MANBA: variants seen among roughly 807,000 people sequenced by gnomAD.
The protein encoded by MANBA is mannosidase beta, also known as beta-mannosidase.
A neutral mutation model predicts 111.1 loss-of-function variants in MANBA; 83 were observed. That is an observed-to-expected ratio of 0.75 (90% CI 0.63 to 0.90). MANBA has a LOEUF of 0.90. MANBA is among the 40% of genes least tolerant of loss of function. The pLI, the probability that MANBA is intolerant of heterozygous loss-of-function variation, is 0.00. For synonymous variants in MANBA, 370 were observed against 378.7 expected (o/e 0.98, Z 0.27); for missense variants, 1,036 against 1,069.0 (o/e 0.97, Z 0.43).
chr4:102,639,900 G>A, intron 13 of MANBA, 43 bp from the exon 14 acceptor site: 1 of 1,606,860 alleles, frequency 6.2e-7, no homozygotes, highest in Non-Finnish European at 8.5e-7. Flanking sequence ...ATTGTTTGAT[G>A]TAGACTGCCT....
At chr4:102,648,034 C>G (rs1410553371) in intron 13 of MANBA, among the ~76,000 whole-genome samples, 1 of 152,030 alleles carries the variant, frequency 6.6e-6, no homozygotes, top group Non-Finnish European at 1.5e-5. Flanking sequence ...TCTCTAAGAA[C>G]TTTAAACAAG....
In MANBA at chr4:102,631,373, T is replaced by A; in HGVS notation, c.*684A>T. Reference sequence around the variant, plus strand: ...ATGTCTTAGTTTAGATTCTTCAAACTCTCCCAGTTTACCAAGCAGAATAAT... The same window carrying A: ...ATGTCTTAGTTTAGATTCTTCAAACACTCCCAGTTTACCAAGCAGAATAAT... On this transcript the variant is annotated 3_prime_UTR_variant, in exon 17 of 17. Transcript: ENST00000647097. 1 of 172,726 alleles carries A rather than the reference T, an allele frequency of 5.8e-6. No individual in the cohort carries two copies. Among genetic ancestry groups the A allele is most frequent in the Non-Finnish European group, 1.2e-5 (1 of 82,492 alleles). The allele number at this position is 172,726 out of a possible 1,614,324, so 10.7% of individuals were successfully genotyped here. A position where few individuals can be genotyped will look rare whatever the true frequency, so the allele number is the denominator to read the frequency against.
chr4:102,716,271 T>G (rs111870791), intron 4 of MANBA, among the ~76,000 whole-genome samples: 2 of 124,608 alleles, frequency 1.6e-5, no homozygotes, highest in African/African-American at 6.4e-5. Flanking sequence ...ATCGCACCAC[T>G]GCACTCCAGC....
chr4:102,744,063 C>G (rs1177737032), intron 1 of MANBA, among the ~76,000 whole-genome samples: 1 of 152,198 alleles, frequency 6.6e-6, no homozygotes, highest in Non-Finnish European at 1.5e-5. Flanking sequence ...GTTCTGGATC[C>G]CACTCAAAAC....
chr4:102,700,794 T>G (rs1732995260), intron 5 of MANBA, among the ~76,000 whole-genome samples: 1 of 152,202 alleles, frequency 6.6e-6, no homozygotes, highest in Non-Finnish European at 1.5e-5. Flanking sequence ...TGGTCAATTT[T>G]GGAATAGGTG....
At chr4:102,701,128 T>A in intron 5 of MANBA, among the ~76,000 whole-genome samples, 1 of 152,118 alleles carries the variant, frequency 6.6e-6, no homozygotes. Context: ...CTTCTTTGTC[T>A]CTTTTGATCT....
intron 13 of MANBA, among the ~76,000 whole-genome samples, chr4:102,648,075 G>A (rs998330773): frequency 1.3e-5 from 2 of 151,970 alleles, no homozygotes; most frequent in Non-Finnish European, 1.5e-5. Context: ...AATAAACAGC[G>A]ACTTTAATGG....
At chr4:102,727,481 C>G in intron 1 of MANBA, 3 of 1,521,210 alleles carry the variant, frequency 2.0e-6, no homozygotes, top group Non-Finnish European at 2.7e-6. Flanking sequence ...GTCCAGATAA[C>G]ATGAGAAATG....
In MANBA at chr4:102,726,699, A is replaced by G; in HGVS notation, c.178-16T>C. 1 of 1,196,610 alleles carries G rather than the reference A, an allele frequency of 8.4e-7. No individual in the cohort carries two copies. The highest frequency in any genetic ancestry group is 1.5e-5 in the African/African-American group (1 of 66,884). The allele number at this position is 1,196,610 out of a possible 1,614,324, so 74.1% of individuals were successfully genotyped here. ...AGTAAGAATCCTGTTGATACAAGGT[A>G]AAAATTATGGTAGATGGTTAAATAT... is the stretch of plus-strand genomic sequence containing the variant. On this transcript the variant is annotated splice_polypyrimidine_tract_variant and intron_variant, in intron 1 of 16. Coordinates refer to ENST00000647097, the MANE Select transcript of MANBA (RefSeq NM_005908.4).
intron 1 of MANBA, chr4:102,727,621 A>G: frequency 6.5e-7 from 1 of 1,549,302 alleles, no homozygotes; most frequent in Non-Finnish European, 8.9e-7. Context: ...GCCAGTGCCC[A>G]TGTTGTTGTA....
At chr4:102,739,134 C>A (rs1723315811) in intron 1 of MANBA, among the ~76,000 whole-genome samples, 1 of 151,928 alleles carries the variant, frequency 6.6e-6, no homozygotes, top group Non-Finnish European at 1.5e-5. Flanking sequence ...ACAATTGATA[C>A]CACAGAAATA....
intron 4 of MANBA, among the ~76,000 whole-genome samples, chr4:102,721,122 A>G (rs1046328033): frequency 6.6e-6 from 1 of 152,140 alleles, no homozygotes; most frequent in African/African-American, 2.4e-5. Context: ...TCAGGAGTTC[A>G]AGAGCAGCCT....
chr4:102,678,490 A>C (rs1731819422), intron 7 of MANBA, among the ~76,000 whole-genome samples: 1 of 150,632 alleles, frequency 6.6e-6, no homozygotes, highest in African/African-American at 2.5e-5. Context: ...CAAAGTAAAT[A>C]TATAATCTTC....
Position 102,632,185 on chromosome 4 carries a change from T to G in MANBA, c.2512A>C (p.Arg838=). 1 of 1,613,394 alleles carries G rather than the reference T, an allele frequency of 6.2e-7. No homozygotes were observed. Residue 838 remains arginine (R), a synonymous_variant, in exon 17 of 17, where the codon AGA becomes CGA. Coordinates refer to ENST00000647097, the MANE Select transcript of MANBA (RefSeq NM_005908.4). ...ATGAGGAAACCATTGTCACTAAATC[T>G]CCCTGGGATGCTTCCTACATCCAAC... ...VWLDVGSIPG[R]FSDNGFLMTE... is the part of the protein sequence containing the mutation.
At chr4:102,713,835 G>A (rs559948920) in intron 5 of MANBA, among the ~76,000 whole-genome samples, 3 of 149,778 alleles carry the variant, frequency 2.0e-5, no homozygotes, top group African/African-American at 4.9e-5. Context: ...GGCAGAGGCT[G>A]CAGTGAGCCA....
At chr4:102,757,931 T>C (rs962645995) in intron 1 of MANBA, among the ~76,000 whole-genome samples, 4 of 152,324 alleles carry the variant, frequency 2.6e-5, no homozygotes, top group Admixed American at 6.5e-5. Flanking sequence ...ACTGGCCTGC[T>C]GACTATTCCT....
chr4:102,754,073 C>T (rs1233142529), intron 1 of MANBA: 12 of 267,984 alleles, frequency 4.5e-5, no homozygotes, highest in South Asian at 3.3e-4. Flanking sequence ...ATTAGAAATG[C>T]CCATGTCACC....
intron 1 of MANBA, among the ~76,000 whole-genome samples, chr4:102,737,695 G>A (rs991878721): frequency 7.9e-5 from 12 of 152,174 alleles, no homozygotes; most frequent in Admixed American, 7.2e-4. Flanking sequence ...TGTTAGCCAG[G>A]ATGGTCTCGA....
At chr4:102,717,495 A>G (rs976402438) in intron 4 of MANBA, among the ~76,000 whole-genome samples, 1 of 147,328 alleles carries the variant, frequency 6.8e-6, no homozygotes, top group African/African-American at 2.5e-5. Flanking sequence ...ATCTTGGCTC[A>G]CTGCAGCCTC....
Sources: gnomAD v4.1 joint callset for allele counts (sites outside exome capture counted in the v4.1 genomes callset) on GRCh38, gnomAD v4.1.1 for gene constraint, MANE v1.5 for transcripts, NCBI Gene and HGNC (gene_info 2026-07-23, HGNC 2026-07-21) for gene names.